PRUNE2: variants seen among roughly 807,000 people sequenced by gnomAD.
PRUNE2 encodes protein prune homolog 2.
PRUNE2 carries 164 observed loss-of-function variants against 252.0 expected under a neutral mutation model. That is an observed-to-expected ratio of 0.65 (90% CI 0.57 to 0.74). The LOEUF (loss-of-function observed/expected upper bound fraction) is 0.74, where lower values mean the gene tolerates loss of function less well. PRUNE2 is among the 30% of genes least tolerant of loss of function. PRUNE2 has a pLI of 0.00. For missense variants in PRUNE2, 3,495 were observed against 3,711.0 expected, an observed-to-expected ratio of 0.94 and a Z score of 1.51; for synonymous variants, 1,292 against 1,350.2, an observed-to-expected ratio of 0.96 and a Z score of 0.94.
intron 6 of PRUNE2, among the ~76,000 whole-genome samples, chr9:76,820,705 G>C (rs2057988049): frequency 6.6e-6 from 1 of 152,286 alleles, no homozygotes; most frequent in East Asian, 1.9e-4. Context: ...TTTTTGGAGA[G>C]CGGGATAAGC....
At chr9:76,631,817 T>C (rs1219729619) in intron 15 of PRUNE2, among the ~76,000 whole-genome samples, 1 of 152,236 alleles carries the variant, frequency 6.6e-6, no homozygotes. Flanking sequence ...ATCCTCACTG[T>C]CCTCCACCCT....
At chr9:76,629,546 T>C (rs1836516181) in intron 15 of PRUNE2, among the ~76,000 whole-genome samples, 1 of 152,182 alleles carries the variant, frequency 6.6e-6, no homozygotes, top group South Asian at 2.1e-4. Flanking sequence ...CTGAAATATG[T>C]ATACGTTGTG....
chr9:76,620,310 T>G (rs181149052), intron 17 of PRUNE2, among the ~76,000 whole-genome samples: 9 of 152,178 alleles, frequency 5.9e-5, no homozygotes, highest in Non-Finnish European at 1.0e-4. Flanking sequence ...CGGCTAATTT[T>G]CATATTTTTG....
At position 76,792,983 on chromosome 9, in the gene PRUNE2, G is replaced by A. The variant is rs554328991; in HGVS notation, c.756+30649C>T. Among the ~76,000 whole-genome samples, 81 of 152,326 alleles carry A rather than the reference G, an allele frequency of 5.3e-4. No individual in the cohort carries two copies. The South Asian group carries it at 9.1e-3, about 17-fold the overall frequency. ...TGTCCCTGAAAGGGGGGGCTTACTA[G>A]TCCATTTTACTGGCAACAAAACTGA... On this transcript the variant is annotated intron_variant, in intron 6 of 18. Transcript: ENST00000376718.
chr9:76,661,647 G>A (rs892842312), intron 9 of PRUNE2, among the ~76,000 whole-genome samples: 1 of 152,192 alleles, frequency 6.6e-6, no homozygotes, highest in East Asian at 1.9e-4. Context: ...TTCAGAAGAT[G>A]TAATAATTGA....
At position 76,905,998 on chromosome 9, in the gene PRUNE2, A is replaced by G. The variant is rs557056637; in HGVS notation, c.-35T>C. 3 of 1,612,322 alleles carry G rather than the reference A, an allele frequency of 1.9e-6. No homozygotes were observed. The South Asian group carries it at 3.3e-5, about 18-fold the overall frequency. ...AGGGGTTTGGAACCCGGGTACTCGG[A>G]GGGGCGCAGTGGAAAATCTCGGCCC... On this transcript the variant is annotated 5_prime_UTR_variant, in exon 1 of 19. Transcript: ENST00000376718.
Position 76,854,090 on chromosome 9 carries a change from C to T in PRUNE2, c.141+14G>A. Reference sequence around the variant, plus strand: ...AATTCAAAATATAAGGAGTATTACCCTTTTTTCCCTCACCTTGTCTAGAAA... The same window carrying T: ...AATTCAAAATATAAGGAGTATTACCTTTTTTTCCCTCACCTTGTCTAGAAA... On this transcript the variant is annotated intron_variant, in intron 2 of 18. Transcript: ENST00000376718. 1 of 1,382,608 alleles carries T rather than the reference C, an allele frequency of 7.2e-7. No homozygotes were observed. Among genetic ancestry groups the T allele is most frequent in the Non-Finnish European group, 1.0e-6 (1 of 981,508 alleles). The allele number at this position is 1,382,608 out of a possible 1,614,324, so 85.6% of individuals were successfully genotyped here.
rs372665343 is a variant in PRUNE2 at position 76,707,732 on chromosome 9, G to A, written c.4542C>T (p.Asp1514=). ...GAAGGCTATTTTCAGACCCCTTAAC[G>A]TCAAGATTTTTGGTTATCTCAGAAC... The part of the protein sequence containing the change: ...STCSEITKNL[D]VKGSENSLPG... Residue 1514 remains aspartate, a synonymous_variant, in exon 8 of 19, where the codon GAC becomes GAT. Transcript: ENST00000376718. 19 of 1,613,650 alleles carry A rather than the reference G, an allele frequency of 1.2e-5. No homozygotes were observed. The highest frequency in any genetic ancestry group is 5.3e-5 in the African/African-American group (4 of 74,878).
intron 1 of PRUNE2, among the ~76,000 whole-genome samples, chr9:76,870,734 G>A (rs920004218): frequency 6.6e-6 from 1 of 151,802 alleles, no homozygotes; most frequent in African/African-American, 2.4e-5. Context: ...AGATGTGGTG[G>A]TAGGGGATGT....
intron 1 of PRUNE2, among the ~76,000 whole-genome samples, chr9:76,857,843 G>T (rs1589620457): frequency 6.6e-6 from 1 of 152,078 alleles, no homozygotes; most frequent in Non-Finnish European, 1.5e-5. Context: ...GGTCCCCACG[G>T]TTCTGGTGCA....
At chr9:76,810,828 G>A (rs778148709) in intron 6 of PRUNE2, among the ~76,000 whole-genome samples, 13 of 152,188 alleles carry the variant, frequency 8.5e-5, no homozygotes, top group Non-Finnish European at 1.3e-4. Flanking sequence ...TAACACAAAT[G>A]TAGTCCACTG....
chr9:76,810,776 G>A (rs10521470), intron 6 of PRUNE2, among the ~76,000 whole-genome samples: 18,381 of 152,110 alleles, frequency 0.12, 1,193 homozygotes, highest in Non-Finnish European at 0.15. Context: ...TGTTACTTAG[G>A]GAACCAATTC....
intron 9 of PRUNE2, among the ~76,000 whole-genome samples, chr9:76,664,418 A>C (rs2039729296): frequency 6.6e-6 from 1 of 152,222 alleles, no homozygotes; most frequent in Admixed American, 6.5e-5. Flanking sequence ...AAGATACCTT[A>C]AGCCAGAACC....
intron 6 of PRUNE2, among the ~76,000 whole-genome samples, chr9:76,750,416 T>C (rs1168373878): frequency 6.6e-6 from 1 of 152,176 alleles, no homozygotes; most frequent in Non-Finnish European, 1.5e-5. Context: ...CCAATTGTTG[T>C]AGCAGAGAAT....
At chr9:76,807,310 T>C in intron 6 of PRUNE2, among the ~76,000 whole-genome samples, 1 of 152,038 alleles carries the variant, frequency 6.6e-6, no homozygotes, top group East Asian at 1.9e-4. Flanking sequence ...TGGTCTCAAG[T>C]GATCCTTCCA....
intron 9 of PRUNE2, among the ~76,000 whole-genome samples, chr9:76,689,043 G>A (rs1315711354): frequency 6.6e-6 from 1 of 152,094 alleles, no homozygotes; most frequent in African/African-American, 2.4e-5. Context: ...TAAGCACCCA[G>A]AGCCCCACCG....
intron 9 of PRUNE2, among the ~76,000 whole-genome samples, chr9:76,701,839 A>G (rs2045912277): frequency 2.0e-5 from 3 of 152,186 alleles, no homozygotes; most frequent in Admixed American, 2.0e-4. Context: ...GTTTCCACAC[A>G]AATTAAGTTC....
At position 76,897,390 on chromosome 9, in the gene PRUNE2, C is replaced by CTTTTT. The variant is rs55702049; in HGVS notation, c.36+8533_36+8537dup. On this transcript the variant is annotated intron_variant, in intron 1 of 18. Transcript: ENST00000376718. ...TGGCTATGCAACCTTAGGCAAACCT[C>CTTTTT]TTTTTTTTTTTTTTTTTTTTTTTTT... 1.2e-4 allele frequency among the ~76,000 whole-genome samples: 7 copies of CTTTTT among 56,252 alleles called. 1 individual carries two copies. The highest frequency in any genetic ancestry group is 2.5e-4 in the Admixed American group (1 of 4,006). 36.9% of individuals were successfully genotyped at this position (56,252 alleles called of 152,430 possible). A position where few individuals can be genotyped will look rare whatever the true frequency, so the allele number is the denominator to read the frequency against.
At chr9:76,747,402 A>T (rs2050219420) in intron 6 of PRUNE2, among the ~76,000 whole-genome samples, 1 of 152,146 alleles carries the variant, frequency 6.6e-6, no homozygotes, top group Non-Finnish European at 1.5e-5. Flanking sequence ...ATGTGCCAGG[A>T]ATTGTACTAT....
Sources: allele counts gnomAD v4.1 joint callset (sites outside exome capture counted in the v4.1 genomes callset), GRCh38; gene constraint gnomAD v4.1.1; transcripts MANE v1.5; gene names NCBI Gene and HGNC (gene_info 2026-07-23, HGNC 2026-07-21).